Variants in NVL observed in about 807,000 individuals in gnomAD.
NVL encodes the protein nuclear valosin-containing protein-like.
Under a neutral mutation model 110.2 loss-of-function variants are expected in NVL, and 84 were observed. The ratio of observed to expected loss-of-function variants is 0.76; its 90% CI spans 0.64 to 0.91. The LOEUF (loss-of-function observed/expected upper bound fraction) is 0.91. NVL is among the 40% of genes least tolerant of loss of function. The probability of loss-of-function intolerance (pLI) is 0.00; values close to 1 mark genes in which losing one functional copy is unlikely to be tolerated. For missense variants in NVL, 882 were observed against 1,035.9 expected, an observed-to-expected ratio of 0.85 and a Z score of 2.04; for synonymous variants, 354 against 361.1, an observed-to-expected ratio of 0.98 and a Z score of 0.22.
intron 19 of NVL, among the ~76,000 whole-genome samples, chr1:224,246,726 C>CCA (rs1661860814): frequency 6.6e-6 from 1 of 152,130 alleles, no homozygotes; most frequent in South Asian, 2.1e-4. Flanking sequence ...AATCTCAAGA[C>CCA]CATAGTTCCT....
chr1:224,326,162 G>A (rs960289674), intron 2 of NVL, among the ~76,000 whole-genome samples: 5 of 152,166 alleles, frequency 3.3e-5, no homozygotes, highest in African/African-American at 1.2e-4. Context: ...AGACTGTCAG[G>A]TACTAAAAGA....
chr1:224,231,931 G>A (rs1475006981), intron 21 of NVL, among the ~76,000 whole-genome samples: 1 of 152,122 alleles, frequency 6.6e-6, no homozygotes, highest in Non-Finnish European at 1.5e-5. Flanking sequence ...GGGAAGCTGA[G>A]GCAGGAGAAT....
At chr1:224,298,139 G>A (rs1265548079) in intron 10 of NVL, 1 of 158,134 alleles carries the variant, frequency 6.3e-6, no homozygotes, top group African/African-American at 2.4e-5. Context: ...GGGAGGCAGA[G>A]GTTGCAGTGA....
At chr1:224,286,218 T>C (rs1666847740) in intron 14 of NVL, 88 bp from the exon 15 acceptor site, 1 of 984,362 alleles carries the variant, frequency 1.0e-6, no homozygotes, top group Non-Finnish European at 1.5e-6. Context: ...TTTTATGGTT[T>C]TTTTTTTTTT....
At chr1:224,265,899 C>A (rs1664454972) in intron 18 of NVL, among the ~76,000 whole-genome samples, 1 of 152,176 alleles carries the variant, frequency 6.6e-6, no homozygotes, top group Admixed American at 6.5e-5. Context: ...TCGTAAAGTG[C>A]TAGGATTACA....
At chr1:224,286,638 A>C (rs1666900542) in intron 14 of NVL, among the ~76,000 whole-genome samples, 1 of 152,234 alleles carries the variant, frequency 6.6e-6, no homozygotes, top group African/African-American at 2.4e-5. Context: ...ATAATGTCTA[A>C]GAACATTTTA....
At chr1:224,316,832 G>A (rs1478080203) in intron 4 of NVL, among the ~76,000 whole-genome samples, 4 of 152,044 alleles carry the variant, frequency 2.6e-5, no homozygotes, top group South Asian at 4.1e-4. Flanking sequence ...TTAACAAATT[G>A]TACACTTTAA....
Position 224,294,362 on chromosome 1 carries a change from A to G in NVL, c.1230T>C (p.Thr410=), listed in dbSNP as rs1209191503. Residue 410 remains threonine, a synonymous_variant, in exon 12 of 23, where the codon ACT becomes ACC. Coordinates refer to ENST00000281701, the MANE Select transcript of NVL (RefSeq NM_002533.4). ...ATARVLVIGA[T]NRPDSLDPAL... ...CAGGGTCTAACGAGTCTGGTCGATT[A>G]GTAGCTCCAATAACTAGGACCCGGG... 2.5e-6 allele frequency: 4 copies of G among 1,614,016 alleles called. No individual in the cohort carries two copies. Among genetic ancestry groups the G allele is most frequent in the Admixed American group, 3.3e-5 (2 of 59,996 alleles).
At chr1:224,319,242 T>C (rs1349293233) in intron 2 of NVL, among the ~76,000 whole-genome samples, 2 of 151,596 alleles carry the variant, frequency 1.3e-5, no homozygotes, top group Non-Finnish European at 2.9e-5. Context: ...AATTATCTAA[T>C]ATACAGTCCA....
intron 19 of NVL, among the ~76,000 whole-genome samples, chr1:224,241,871 A>G (rs1455156597): frequency 7.6e-5 from 5 of 65,956 alleles, no homozygotes; most frequent in African/African-American, 2.4e-4. Flanking sequence ...AAAAAAAAAT[A>G]AAAAGAAAAA....
intron 2 of NVL, among the ~76,000 whole-genome samples, chr1:224,319,537 G>A (rs559661129): frequency 1.3e-5 from 2 of 152,042 alleles, no homozygotes; most frequent in Non-Finnish European, 2.9e-5. Flanking sequence ...GTCTAGTCAA[G>A]GTTCATGCAT....
chr1:224,294,487 T>C (rs1178934231), intron 11 of NVL, 76 bp from the exon 12 acceptor site: 2 of 1,466,752 alleles, frequency 1.4e-6, no homozygotes, highest in African/African-American at 2.8e-5. Flanking sequence ...AATCATTTCA[T>C]GGTTAAAGAT....
In NVL at chr1:224,227,668, A is replaced by T. The variant is rs754651531; in HGVS notation, c.2529T>A (p.Asp843Glu). 6.2e-6 allele frequency: 10 copies of T among 1,610,520 alleles called. No individual in the cohort carries two copies. The highest frequency in any genetic ancestry group is 7.6e-6 in the Non-Finnish European group (9 of 1,177,676). ...KKVRSSISKK[D>E]QIMYERLQES... The stretch of plus-strand genomic sequence containing the variant: ...CCTGCAAACGTTCATACATGATTTG[A>T]TCCTGAAAGGAGGGAGAACACAGAA... The change falls in exon 23 of 23, where the codon GAT becomes GAA. Residue 843 changes from aspartate to glutamate, a missense_variant and splice_region_variant. Coordinates refer to ENST00000281701, the MANE Select transcript of NVL (RefSeq NM_002533.4).
At chr1:224,296,732 A>G in intron 10 of NVL, 114 bp from the exon 11 acceptor site, 1 of 652,246 alleles carries the variant, frequency 1.5e-6, no homozygotes, top group East Asian at 2.7e-5. Flanking sequence ...ATTTGCCAAA[A>G]GAATAACCCT....
At position 224,330,119 on chromosome 1, in the gene NVL, G is replaced by A; in HGVS notation, c.9C>T (p.Pro3=). The A allele has an allele frequency of 6.2e-7, 1 of 1,614,048 alleles. No individual in the cohort carries two copies. Among genetic ancestry groups the A allele is most frequent in the Non-Finnish European group, 8.5e-7 (1 of 1,179,940 alleles). The change falls in exon 1 of 23, where the codon CCC becomes CCT. Residue 3 remains proline (P), a synonymous_variant. Transcript: ENST00000281701. ...TATTATCCACGAACCCTGCAGGTCT[G>A]GGCTTCATCGCGTCGGTCTTCCAAG... The part of the protein sequence containing the change: MK[P]RPAGFVDNKL...
intron 9 of NVL, among the ~76,000 whole-genome samples, chr1:224,302,222 G>A (rs916448950): frequency 6.6e-6 from 1 of 151,008 alleles, no homozygotes; most frequent in Non-Finnish European, 1.5e-5. Context: ...TTTTTTTTGA[G>A]ATAGAGTCTG....
At position 224,311,884 on chromosome 1, in the gene NVL, TAA is replaced by T. The variant is rs895516632; in HGVS notation, c.285-29_285-28del. ...TCAGTAAAAGGAGGGAAAAATGTTTTAAAGACTTTCTCTCCCATATCCTAAAA... is the reference window on the plus strand; with the variant it reads ...TCAGTAAAAGGAGGGAAAAATGTTTTAGACTTTCTCTCCCATATCCTAAAA... On this transcript the variant is annotated intron_variant, in intron 4 of 22. Transcript: ENST00000281701. 4 of 1,569,712 alleles carry T rather than the reference TAA, an allele frequency of 2.5e-6. No homozygotes were observed. The African/African-American group carries it at 5.4e-5, about 21-fold the overall frequency.
chr1:224,314,202 G>T (rs1669839215), intron 4 of NVL, among the ~76,000 whole-genome samples: 1 of 152,114 alleles, frequency 6.6e-6, no homozygotes, highest in African/African-American at 2.4e-5. Context: ...TTTGACCCCA[G>T]AAATTCCACC....
intron 17 of NVL, chr1:224,269,877 G>A (rs1464732227): frequency 4.0e-5 from 6 of 150,836 alleles, no homozygotes; most frequent in African/African-American, 1.5e-4. Context: ...AGTCTCCCAA[G>A]TGGCTGGGAC....
Sources: gnomAD v4.1 joint callset for allele counts (sites outside exome capture counted in the v4.1 genomes callset) on GRCh38, gnomAD v4.1.1 for gene constraint, MANE v1.5 for transcripts, NCBI Gene and HGNC (gene_info 2026-07-23, HGNC 2026-07-21) for gene names.